Variants in TNXB observed in about 807,000 individuals in gnomAD.
The protein encoded by TNXB is tenascin XB.
A neutral mutation model predicts 340.5 loss-of-function variants in TNXB; 183 were observed. The ratio of observed to expected loss-of-function variants is 0.54; its 90% CI spans 0.48 to 0.61. The LOEUF is 0.61. Among genes scored for constraint, TNXB ranks in the 20% least tolerant of loss-of-function variants. TNXB has a pLI of 0.00. For synonymous variants in TNXB, 2,121 were observed against 2,314.5 expected (o/e 0.92, Z 2.40); for missense variants, 4,613 against 5,446.4 (o/e 0.85, Z 4.82).
In TNXB at chr6:32,069,005, C is replaced by A; in HGVS notation, c.5719G>T (p.Glu1907Ter). The change falls in exon 16 of 44, where the codon GAA (glutamate) becomes TAA (stop). Residue 1907 changes from glutamate (E) to a stop codon, truncating the protein, a stop_gained. Coordinates refer to ENST00000644971, the MANE Select transcript of TNXB (RefSeq NM_001365276.2). LOFTEE classifies it high-confidence loss of function. The surrounding 1 kb of genome is among the most constrained non-coding windows in gnomAD (Gnocchi z 6.2). Reference sequence around the variant, plus strand: ...TACTGGATTTCGAAGGAGTCAAATTCTCCCTCAGTCACCATCCAGGAGAGA... The same window carrying A: ...TACTGGATTTCGAAGGAGTCAAATTATCCCTCAGTCACCATCCAGGAGAGA... ...LHLSWMVTEG[E>*]FDSFEIQYTD... The A allele has an allele frequency of 2.5e-6, 4 of 1,612,904 alleles. No homozygotes were observed. Among genetic ancestry groups the A allele is most frequent in the Non-Finnish European group, 3.4e-6 (4 of 1,179,886 alleles).
At position 32,046,447 on chromosome 6, in the gene TNXB, T is replaced by A; in HGVS notation, c.10334A>T (p.Glu3445Val). The change falls in exon 31 of 44, where the codon GAG (glutamate) becomes GTG (valine). Residue 3445 changes from glutamate (E) to valine (V), a missense_variant. Coordinates refer to ENST00000644971, the MANE Select transcript of TNXB (RefSeq NM_001365276.2). The surrounding 1 kb of genome is among the most constrained non-coding windows in gnomAD (Gnocchi z 6.9). ...CCCCAGGTGGGGAGGTAGCTCCTTC[T>A]CCAGGGGAGCTGTGCAGAGGGAGGA... is the stretch of plus-strand genomic sequence containing the variant. ...ISADSTTAPLEKELPPHLGEL... is the reference protein window; with the variant it reads ...ISADSTTAPLVKELPPHLGEL... 1 of 1,573,366 alleles carries A rather than the reference T, an allele frequency of 6.4e-7. No homozygotes were observed. Among genetic ancestry groups the A allele is most frequent in the Non-Finnish European group, 8.7e-7 (1 of 1,152,682 alleles).
Position 32,070,198 on chromosome 6 carries a change from T to C in TNXB, c.5207A>G (p.Lys1736Arg), listed in dbSNP as rs1320919235. The C allele has an allele frequency of 6.2e-7, 1 of 1,611,470 alleles. No homozygotes were observed. Among genetic ancestry groups the C allele is most frequent in the Non-Finnish European group, 8.5e-7 (1 of 1,179,030 alleles). ...GAGGCCATAGAGGAGGAATCTGTAC[T>C]TGCGGCCGGCATCCAGAGGGGTGAC... ...VTVTPLDAGR[K>R]YRFLLYGLLG... The change falls in exon 14 of 44, where the codon AAG (lysine) becomes AGG (arginine). Residue 1736 changes from lysine to arginine, a missense_variant. Lys to Arg is a conservative substitution (Grantham distance 26). Transcript: ENST00000644971. This position sits in a 1 kb window ranked among gnomAD's most constrained non-coding sequence, Gnocchi z 6.0.
chr6:32,089,369 G>T lies in TNXB; in HGVS notation c.2369C>A (p.Ala790Glu). The T allele has an allele frequency of 6.2e-7, 1 of 1,605,784 alleles. No individual in the cohort carries two copies. ...EIQFIPTTEG[A>E]SPPFTARVPS... is the part of the protein sequence containing the mutation. The stretch of plus-strand genomic sequence containing the variant: ...AACCCGTGCTGTGAATGGGGGGCTC[G>T]CCCCCTCTGTCTGTGAGAGAGAGCA... The change falls in exon 5 of 44, where the codon GCG becomes GAG. Residue 790 changes from alanine to glutamate, a missense_variant. Transcript: ENST00000644971. The surrounding 1 kb of genome is among the most constrained non-coding windows in gnomAD (Gnocchi z 6.2).
intron 19 of TNXB, among the ~76,000 whole-genome samples, chr6:32,063,296 G>A (rs905619096): frequency 6.6e-6 from 1 of 152,068 alleles, no homozygotes; most frequent in African/African-American, 2.4e-5. Flanking sequence ...GCTGAGGCAG[G>A]AGAACTGCTT....
Position 32,069,955 on chromosome 6 carries a change from T to G in TNXB, c.5279-94A>C. 7.1e-7 allele frequency: 1 copy of G among 1,403,062 alleles called. No individual in the cohort carries two copies. Among genetic ancestry groups the G allele is most frequent in the South Asian group, 1.5e-5 (1 of 68,496 alleles). The allele number at this position is 1,403,062 out of a possible 1,614,324, so 86.9% of individuals were successfully genotyped here. ...GATTGAGAGGTCTGGAGACAGGGCT[T>G]TGCGTGGCTGAGTCCTGCCGGGCTG... On this transcript the variant is annotated intron_variant, in intron 14 of 43. Coordinates refer to ENST00000644971, the MANE Select transcript of TNXB (RefSeq NM_001365276.2). This position sits in a 1 kb window ranked among gnomAD's most constrained non-coding sequence, Gnocchi z 6.2.
At chr6:32,050,495 C>T (rs928261773) in intron 26 of TNXB, among the ~76,000 whole-genome samples, 174 bp from the exon 27 acceptor site, 1 of 151,374 alleles carries the variant, frequency 6.6e-6, no homozygotes, top group Non-Finnish European at 1.5e-5. Context: ...ACCCTGACCC[C>T]CCTGCCCTCG....
Position 32,067,763 on chromosome 6 carries a change from C to G in TNXB, c.6442G>C (p.Val2148Leu). ...VVRVGGEESE[V>L]TVGGLEPGRK... The stretch of plus-strand genomic sequence containing the variant: ...CCAGGCTCCAGGCCCCCCACGGTGA[C>G]TTCACTCTCCTCGCCCCCAACACGC... Residue 2148 changes from valine to leucine, a missense_variant, in exon 18 of 44, where the codon GTC becomes CTC. Coordinates refer to ENST00000644971, the MANE Select transcript of TNXB (RefSeq NM_001365276.2). The surrounding 1 kb of genome is among the most constrained non-coding windows in gnomAD (Gnocchi z 4.2). The G allele has an allele frequency of 6.2e-7, 1 of 1,613,764 alleles. No homozygotes were observed. The highest frequency in any genetic ancestry group is 2.2e-5 in the East Asian group (1 of 44,866).
In TNXB at chr6:32,079,384, G is replaced by C. The variant is rs942799820; in HGVS notation, c.4043-19C>G. ...TGAGGAGCTGAGAGAAGAGATAGAG[G>C]CATAAAGGGCTGCTGGCTTTGCTGC... is the stretch of plus-strand genomic sequence containing the variant. On this transcript the variant is annotated intron_variant, in intron 10 of 43. Coordinates refer to ENST00000644971, the MANE Select transcript of TNXB (RefSeq NM_001365276.2). This position sits in a 1 kb window ranked among gnomAD's most constrained non-coding sequence, Gnocchi z 7.1. 2 of 1,569,238 alleles carry C rather than the reference G, an allele frequency of 1.3e-6. No individual in the cohort carries two copies. The highest frequency in any genetic ancestry group is 2.7e-5 in the African/African-American group (2 of 73,322).
chr6:32,047,613 G>A lies in TNXB; in HGVS notation c.10324+121C>T, dbSNP rs1017847596. The A allele has an allele frequency of 1.8e-5, 21 of 1,167,184 alleles. No homozygotes were observed. The highest frequency in any genetic ancestry group is 4.6e-5 in the African/African-American group (3 of 65,110). 72.3% of individuals were successfully genotyped at this position (1,167,184 alleles called of 1,614,324 possible). ...CTGACACACAGAGGGACTCACTTTC[G>A]GAGTTAAGATGGTTGTGTCAGGGCT... On this transcript the variant is annotated intron_variant, in intron 30 of 43. Transcript: ENST00000644971. The surrounding 1 kb of genome is among the most constrained non-coding windows in gnomAD (Gnocchi z 6.2).
chr6:32,106,437 T>G (rs966234915), intron 1 of TNXB, among the ~76,000 whole-genome samples: 1 of 151,906 alleles, frequency 6.6e-6, no homozygotes, highest in Non-Finnish European at 1.5e-5. Flanking sequence ...GGTGTGGAAA[T>G]GCTGACCGGT....
At position 32,070,081 on chromosome 6, in the gene TNXB, T is replaced by C. The variant is rs1239650863; in HGVS notation, c.5278+46A>G. 4.0e-6 allele frequency: 6 copies of C among 1,495,888 alleles called. No homozygotes were observed. In the East Asian group the frequency reaches 1.4e-4, roughly 34 times the overall value. The allele number at this position is 1,495,888 out of a possible 1,614,324, so 92.7% of individuals were successfully genotyped here. A position where few individuals can be genotyped will look rare whatever the true frequency, so the allele number is the denominator to read the frequency against. On this transcript the variant is annotated intron_variant, in intron 14 of 43. Transcript: ENST00000644971. This position sits in a 1 kb window ranked among gnomAD's most constrained non-coding sequence, Gnocchi z 6.0. Reference sequence around the variant, plus strand: ...CCACCACAAGTGACCGTCTGCTGCTTGGCCTGAGGGGAGCAGAGCAGGGAC... The same window carrying C: ...CCACCACAAGTGACCGTCTGCTGCTCGGCCTGAGGGGAGCAGAGCAGGGAC...
chr6:32,067,139 GAAAGAAAGAAAGA>G lies in TNXB; in HGVS notation c.6544+509_6544+521del, dbSNP rs1778406727. On this transcript the variant is annotated intron_variant, in intron 18 of 43. Coordinates refer to ENST00000644971, the MANE Select transcript of TNXB (RefSeq NM_001365276.2). This position sits in a 1 kb window ranked among gnomAD's most constrained non-coding sequence, Gnocchi z 4.2. ...AGAAAGAAAGAAAGGAAGGAAGAAA[GAAAGAAAGAAAGA>G]AAGAAAGAAAGAAAGAAAGAAAGAA... is the stretch of plus-strand genomic sequence containing the variant. Among the ~76,000 whole-genome samples, 2 of 116,190 alleles carry G rather than the reference GAAAGAAAGAAAGA, an allele frequency of 1.7e-5. No individual in the cohort carries two copies. The highest frequency in any genetic ancestry group is 4.9e-4 in the East Asian group (2 of 4,078). The allele number at this position is 116,190 out of a possible 152,430, so 76.2% of individuals were successfully genotyped here.
intron 6 of TNXB, among the ~76,000 whole-genome samples, chr6:32,086,320 G>T (rs1042343156): frequency 1.3e-5 from 2 of 152,144 alleles, no homozygotes; most frequent in African/African-American, 4.8e-5. Context: ...GAGCAGACGG[G>T]CCTGTGCTTC....
intron 1 of TNXB, among the ~76,000 whole-genome samples, chr6:32,104,425 T>TC (rs954439361): frequency 6.6e-6 from 1 of 151,942 alleles, no homozygotes; most frequent in African/African-American, 2.4e-5. Context: ...CTCCCAGAAT[T>TC]CCCCATTGAA....
In TNXB at chr6:32,049,682, G is replaced by T. The variant is rs1378689093; in HGVS notation, c.9440-95C>A. 1 of 1,401,100 alleles carries T rather than the reference G, an allele frequency of 7.1e-7. No homozygotes were observed. Among genetic ancestry groups the T allele is most frequent in the Non-Finnish European group, 9.6e-7 (1 of 1,039,732 alleles). The allele number at this position is 1,401,100 out of a possible 1,614,324, so 86.8% of individuals were successfully genotyped here. On this transcript the variant is annotated intron_variant, in intron 27 of 43. Coordinates refer to ENST00000644971, the MANE Select transcript of TNXB (RefSeq NM_001365276.2). This position sits in a 1 kb window ranked among gnomAD's most constrained non-coding sequence, Gnocchi z 4.5. ...CCAAGGCTATGACTGGGGGACCTGA[G>T]GTCATTTCAGAGAAGTCCATTCTTG... is the stretch of plus-strand genomic sequence containing the variant.
At position 32,070,654 on chromosome 6, in the gene TNXB, A is replaced by G. The variant is rs533922428; in HGVS notation, c.4991-240T>C. 2.5e-4 allele frequency among the ~76,000 whole-genome samples: 38 copies of G among 152,130 alleles called. No individual in the cohort carries two copies. The highest frequency in any genetic ancestry group is 8.9e-4 in the African/African-American group (37 of 41,504). ...AAGAGATTCCCTAGCTCCCTGCCTC[A>G]TCTTACTCCCCTTTCTGTCCAGCCT... On this transcript the variant is annotated intron_variant, in intron 13 of 43. Coordinates refer to ENST00000644971, the MANE Select transcript of TNXB (RefSeq NM_001365276.2). This position sits in a 1 kb window ranked among gnomAD's most constrained non-coding sequence, Gnocchi z 6.0.
rs1433007164 is a variant in TNXB at position 32,070,348 on chromosome 6, G to A, written c.5057C>T (p.Thr1686Ile). ...CCAGGAGAGGCGCAGTGAGTCTGGGGTGGGGTCTGTCACCCACAGCTCCCC... is the reference window on the plus strand; with the variant it reads ...CCAGGAGAGGCGCAGTGAGTCTGGGATGGGGTCTGTCACCCACAGCTCCCC... Reference protein sequence around the residue: ...RLGELWVTDPTPDSLRLSWTV... With the variant: ...RLGELWVTDPIPDSLRLSWTV... The change falls in exon 14 of 44, where the codon ACC (threonine) becomes ATC (isoleucine). Residue 1686 changes from threonine (T) to isoleucine (I), a missense_variant. Physicochemically the swap from Thr to Ile is moderately conservative, Grantham distance 89. Coordinates refer to ENST00000644971, the MANE Select transcript of TNXB (RefSeq NM_001365276.2). The surrounding 1 kb of genome is among the most constrained non-coding windows in gnomAD (Gnocchi z 6.0). 6.2e-7 allele frequency: 1 copy of A among 1,609,192 alleles called. No homozygotes were observed. Among genetic ancestry groups the A allele is most frequent in the South Asian group, 1.1e-5 (1 of 90,156 alleles).
chr6:32,071,298 G>C (rs1778755754), intron 13 of TNXB, among the ~76,000 whole-genome samples: 1 of 152,156 alleles, frequency 6.6e-6, no homozygotes, highest in Non-Finnish European at 1.5e-5. Flanking sequence ...AGACAGGCCT[G>C]AGCTAGGAGG....
chr6:32,079,346 G>A lies in TNXB; in HGVS notation c.4062C>T (p.Asp1354=), dbSNP rs943642812. The change falls in exon 11 of 44, where the codon GAC becomes GAT. Residue 1354 remains aspartate (D), a synonymous_variant. Coordinates refer to ENST00000644971, the MANE Select transcript of TNXB (RefSeq NM_001365276.2). This position sits in a 1 kb window ranked among gnomAD's most constrained non-coding sequence, Gnocchi z 7.1. ...VAKTAPQEDV[D]ETPSPTELGT... is the part of the protein sequence containing the mutation. Reference sequence around the variant, plus strand: ...CCAGTTCTGTGGGGCTGGGGGTCTCGTCCACATCCTCCTGAGGAGCTGAGA... The same window carrying A: ...CCAGTTCTGTGGGGCTGGGGGTCTCATCCACATCCTCCTGAGGAGCTGAGA... 1.4e-5 allele frequency: 23 copies of A among 1,609,008 alleles called. No individual in the cohort carries two copies. The highest frequency in any genetic ancestry group is 2.2e-5 in the South Asian group (2 of 90,940).
Sources: allele counts gnomAD v4.1 joint callset (sites outside exome capture counted in the v4.1 genomes callset), GRCh38; gene constraint gnomAD v4.1.1; non-coding constraint Gnocchi (gnomAD v3.1); transcripts MANE v1.5; gene names NCBI Gene and HGNC (gene_info 2026-07-23, HGNC 2026-07-21).